TAS2R1: variants seen among roughly 807,000 people sequenced by gnomAD.
TAS2R1 encodes the protein taste 2 receptor member 1, also known as taste receptor type 2 member 1.
For missense variants in TAS2R1, 370 were observed against 353.4 expected (o/e 1.05, Z -0.38); for synonymous variants, 141 against 134.2 (o/e 1.05, Z -0.35).
chr5:9,751,758 A>G, the TAS2R1 span, among the ~76,000 whole-genome samples: 1 of 152,222 alleles, frequency 6.6e-6, no homozygotes, highest in Non-Finnish European at 1.5e-5. Context: ...TATGCACAAA[A>G]TCTTCTCCAA....
chr5:9,830,521 T>C, the TAS2R1 span, among the ~76,000 whole-genome samples: 2 of 151,362 alleles, frequency 1.3e-5, no homozygotes, highest in Admixed American at 1.3e-4. Context: ...AATAGAAAGA[T>C]GGATGACAGA....
the TAS2R1 span, among the ~76,000 whole-genome samples, chr5:9,777,816 T>G: frequency 6.6e-6 from 1 of 151,970 alleles, no homozygotes; most frequent in African/African-American, 2.4e-5. Flanking sequence ...TTAGCAGGCA[T>G]GAAGACATTA....
At chr5:9,832,189 A>G in the TAS2R1 span, among the ~76,000 whole-genome samples, 3 of 152,204 alleles carry the variant, frequency 2.0e-5, no homozygotes, top group Non-Finnish European at 4.4e-5. Context: ...GCATACATTG[A>G]CATCTTGGCA....
chr5:9,777,825 T>G, the TAS2R1 span, among the ~76,000 whole-genome samples: 1 of 152,054 alleles, frequency 6.6e-6, no homozygotes, highest in Admixed American at 6.5e-5. Flanking sequence ...ATGAAGACAT[T>G]AGTCTCCTTG....
At chr5:9,864,557 G>A in the TAS2R1 span, among the ~76,000 whole-genome samples, 25 of 151,686 alleles carry the variant, frequency 1.6e-4, no homozygotes, top group East Asian at 3.1e-3. Context: ...CACTGGAACC[G>A]GGGAGATGGA....
chr5:9,675,105 CATAT>C (rs10580967), intron 1 of TAS2R1, among the ~76,000 whole-genome samples: 71 of 146,014 alleles, frequency 4.9e-4, no homozygotes, highest in Admixed American at 1.4e-3. Flanking sequence ...AAAATGAAAT[CATAT>C]ATATATATAT....
At chr5:9,661,952 T>C (rs1031766038) in intron 1 of TAS2R1, among the ~76,000 whole-genome samples, 1 of 152,200 alleles carries the variant, frequency 6.6e-6, no homozygotes, top group Non-Finnish European at 1.5e-5. Flanking sequence ...GGAGTGGATT[T>C]GGCTAGAGGT....
chr5:9,738,031 G>T, the TAS2R1 span, among the ~76,000 whole-genome samples: 1 of 152,126 alleles, frequency 6.6e-6, no homozygotes, highest in Non-Finnish European at 1.5e-5. Flanking sequence ...CTCTCCACCT[G>T]GATGAAGAAC....
chr5:9,885,844 C>T, the TAS2R1 span, among the ~76,000 whole-genome samples: 1 of 151,718 alleles, frequency 6.6e-6, no homozygotes, highest in Non-Finnish European at 1.5e-5. Flanking sequence ...TATAAAAAAA[C>T]AAAACTCGCA....
At chr5:9,843,745 G>T in the TAS2R1 span, among the ~76,000 whole-genome samples, 2 of 152,194 alleles carry the variant, frequency 1.3e-5, no homozygotes, top group African/African-American at 4.8e-5. Flanking sequence ...TATGACCCCA[G>T]TAGCACAGGA....
chr5:9,788,313 C>T, the TAS2R1 span, among the ~76,000 whole-genome samples: 2 of 152,204 alleles, frequency 1.3e-5, no homozygotes, highest in African/African-American at 2.4e-5. Context: ...TGACTTTCCA[C>T]CCGATAAGCA....
intron 1 of TAS2R1, among the ~76,000 whole-genome samples, chr5:9,671,795 A>T (rs1185884283): frequency 6.6e-6 from 1 of 152,212 alleles, no homozygotes; most frequent in Non-Finnish European, 1.5e-5. Flanking sequence ...AAACTATTTT[A>T]AAATTCATAT....
intron 1 of TAS2R1, among the ~76,000 whole-genome samples, chr5:9,675,914 G>C (rs1579778999): frequency 6.6e-6 from 1 of 152,134 alleles, no homozygotes; most frequent in Non-Finnish European, 1.5e-5. Context: ...GTACGAGTGG[G>C]AATCCTTGTC....
chr5:9,713,919 A>G (rs994092733), upstream of TAS2R1: 13 of 152,236 alleles, frequency 8.5e-5, no homozygotes, highest in Admixed American at 2.0e-4. Context: ...TATTATAAGC[A>G]TATTGTTTAT....
the TAS2R1 span, among the ~76,000 whole-genome samples, chr5:9,756,451 C>T: frequency 6.6e-6 from 1 of 152,156 alleles, no homozygotes; most frequent in Non-Finnish European, 1.5e-5. Context: ...AAGAAATATA[C>T]TTTCTGAAAT....
At chr5:9,758,894 TATAAA>T in the TAS2R1 span, among the ~76,000 whole-genome samples, 1 of 152,146 alleles carries the variant, frequency 6.6e-6, no homozygotes, top group Non-Finnish European at 1.5e-5. Flanking sequence ...GTCATACAAA[TATAAA>T]ATAAACAGGG....
chr5:9,871,705 C>T, the TAS2R1 span, among the ~76,000 whole-genome samples: 1 of 152,322 alleles, frequency 6.6e-6, no homozygotes, highest in Admixed American at 6.5e-5. Flanking sequence ...GGTGCCCAGA[C>T]AAGGGGAGAA....
the TAS2R1 span, among the ~76,000 whole-genome samples, chr5:9,756,798 T>G: frequency 6.6e-6 from 1 of 152,190 alleles, no homozygotes; most frequent in African/African-American, 2.4e-5. Flanking sequence ...GCACTTGATT[T>G]TGATTAGATC....
the TAS2R1 span, among the ~76,000 whole-genome samples, chr5:9,895,397 G>A: frequency 6.6e-6 from 1 of 152,172 alleles, no homozygotes; most frequent in Non-Finnish European, 1.5e-5. Flanking sequence ...GACCGCCATT[G>A]CCTTTGAAAG....
Sources: allele counts gnomAD v4.1 joint callset (sites outside exome capture counted in the v4.1 genomes callset), GRCh38; gene constraint gnomAD v4.1.1; transcripts MANE v1.5; gene names NCBI Gene and HGNC (gene_info 2026-07-23, HGNC 2026-07-21).